The following GRIN2A variants were observed in gnomAD, a reference collection of about 807,000 sequenced individuals.
GRIN2A encodes glutamate receptor ionotropic, NMDA 2A.
A neutral mutation model predicts 113.4 loss-of-function variants in GRIN2A; 22 were observed. The observed-to-expected ratio is 0.19, with a 90% CI of 0.14 to 0.28. GRIN2A has a LOEUF of 0.28. Ranked by LOEUF, GRIN2A falls within the 10% of genes least tolerant of loss-of-function variation. The pLI is 1.00. For missense variants in GRIN2A, 1,502 were observed against 1,887.0 expected (o/e 0.80, Z 3.78); for synonymous variants, 827 against 738.4 (o/e 1.12, Z -1.94).
chr16:10,145,569 T>C (rs549753901), intron 2 of GRIN2A, among the ~76,000 whole-genome samples: 2 of 152,212 alleles, frequency 1.3e-5, no homozygotes, highest in South Asian at 2.1e-4. Flanking sequence ...TGAGTGTTCA[T>C]TACACATTCT....
rs1475867377 is a variant in GRIN2A, at chr16:9,753,617, G to A, written c.*9532C>T. On this transcript the variant is annotated 3_prime_UTR_variant, in exon 13 of 13. Coordinates refer to ENST00000330684, the MANE Select transcript of GRIN2A (RefSeq NM_001134407.3). ...GACATACTACAAGAAGACAACCATA[G>A]TATATACTTCCTCTATCATAGAAAG... 4 of 195,606 alleles carry A rather than the reference G, an allele frequency of 2.0e-5. No individual in the cohort carries two copies. The highest frequency in any genetic ancestry group is 9.3e-5 in the African/African-American group (4 of 43,196). The allele number at this position is 195,606 out of a possible 1,614,324, so 12.1% of individuals were successfully genotyped here. A position where few individuals can be genotyped will look rare whatever the true frequency, so the allele number is the denominator to read the frequency against.
chr16:10,071,174 G>A (rs1596477094), intron 2 of GRIN2A, among the ~76,000 whole-genome samples: 2 of 152,328 alleles, frequency 1.3e-5, no homozygotes, highest in African/African-American at 4.8e-5. Flanking sequence ...GTTGAATACT[G>A]TTGCATGGAA....
chr16:9,969,836 C>A lies in GRIN2A; in HGVS notation c.415-31285G>T, dbSNP rs79222101. Among the ~76,000 whole-genome samples, 540 of 152,312 alleles carry A rather than the reference C, an allele frequency of 3.5e-3. 6 individuals are homozygous for A. Among genetic ancestry groups the A allele is most frequent in the African/African-American group, 0.012 (504 of 41,570 alleles). On this transcript the variant is annotated intron_variant, in intron 2 of 12. Coordinates refer to ENST00000330684, the MANE Select transcript of GRIN2A (RefSeq NM_001134407.3). ...CCCTATTCACAAATAATTATCTAGC[C>A]CAAAATGTCAAGAATTCCACTGCTG...
chr16:10,176,861 TA>T (rs980425372), intron 2 of GRIN2A, among the ~76,000 whole-genome samples: 7 of 151,882 alleles, frequency 4.6e-5, no homozygotes, highest in African/African-American at 1.7e-4. Flanking sequence ...AAAATAAAAA[TA>T]AAAAAAGTTA....
chr16:10,026,018 G>A (rs1316224114), intron 2 of GRIN2A, among the ~76,000 whole-genome samples: 4 of 152,144 alleles, frequency 2.6e-5, no homozygotes, highest in Non-Finnish European at 4.4e-5. Flanking sequence ...ACACAATACT[G>A]TCTGGCTACA....
Position 9,763,825 on chromosome 16 carries a change from A to T in GRIN2A, c.3719T>A (p.Leu1240Gln), listed in dbSNP as rs1487682603. Residue 1240 changes from leucine (L) to glutamine (Q), a missense_variant, in exon 13 of 13, where the codon CTG (leucine) becomes CAG (glutamine). By Grantham distance (113) the Leu-to-Gln change is moderately radical. Around this residue, in one of 7 missense-constraint regions of GRIN2A, gnomAD observed 832 missense variants for 789.7 expected, o/e 1.05. Transcript: ENST00000330684. ...MRSPFKCDACLRMGNLYDIDE... is the reference protein window; with the variant it reads ...MRSPFKCDACQRMGNLYDIDE... ...GATGTCATAGAGGTTCCCCATCCGC[A>T]GGCAGGCATCGCACTTGAAGGGGGA... The T allele has an allele frequency of 6.2e-7, 1 of 1,613,996 alleles. No individual in the cohort carries two copies. Among genetic ancestry groups the T allele is most frequent in the Non-Finnish European group, 8.5e-7 (1 of 1,180,000 alleles).
intron 2 of GRIN2A, among the ~76,000 whole-genome samples, chr16:10,170,752 C>T (rs1022008052): frequency 6.6e-6 from 1 of 152,060 alleles, no homozygotes; most frequent in Non-Finnish European, 1.5e-5. Flanking sequence ...TGGCACACGC[C>T]TGTGTTCCTA....
chr16:9,799,045 C>T (rs1252272029), intron 10 of GRIN2A, among the ~76,000 whole-genome samples: 2 of 152,202 alleles, frequency 1.3e-5, no homozygotes, highest in Non-Finnish European at 1.5e-5. Flanking sequence ...TGTTAGTGAA[C>T]AGCCTTCCAA....
chr16:10,078,140 A>G (rs1230603674), intron 2 of GRIN2A, among the ~76,000 whole-genome samples: 1 of 152,224 alleles, frequency 6.6e-6, no homozygotes, highest in African/African-American at 2.4e-5. Context: ...TAAAGCTGTT[A>G]AATTAGAAAA....
intron 10 of GRIN2A, among the ~76,000 whole-genome samples, chr16:9,803,171 G>A (rs574839705): frequency 1.1e-3 from 173 of 152,198 alleles, no homozygotes; most frequent in Non-Finnish European, 2.1e-3. Context: ...TTGGGAGGCC[G>A]AGGTGGGCGG....
chr16:9,968,292 GTA>G (rs1373734880), intron 2 of GRIN2A, among the ~76,000 whole-genome samples: 1 of 151,634 alleles, frequency 6.6e-6, no homozygotes, highest in African/African-American at 2.4e-5. Flanking sequence ...ATGTATGTAT[GTA>G]TGTATGTATG....
intron 2 of GRIN2A, among the ~76,000 whole-genome samples, chr16:9,944,823 A>G (rs978353766): frequency 6.6e-6 from 1 of 152,182 alleles, no homozygotes; most frequent in Admixed American, 6.5e-5. Context: ...ACTTAAGCAG[A>G]CCTGCCAGAC....
In GRIN2A at chr16:9,762,236, C is replaced by T. The variant is rs1900617038; in HGVS notation, c.*913G>A. 1 of 224,070 alleles carries T rather than the reference C, an allele frequency of 4.5e-6. No individual in the cohort carries two copies. The highest frequency in any genetic ancestry group is 8.9e-6 in the Non-Finnish European group (1 of 112,018). The allele number at this position is 224,070 out of a possible 1,614,324, so 13.9% of individuals were successfully genotyped here. A position where few individuals can be genotyped will look rare whatever the true frequency, so the allele number is the denominator to read the frequency against. ...GAGGGAAGGGGTAACAGATACTATA[C>T]AACCCTGAGTCATCACCAGAAGGGA... On this transcript the variant is annotated 3_prime_UTR_variant, in exon 13 of 13. Coordinates refer to ENST00000330684, the MANE Select transcript of GRIN2A (RefSeq NM_001134407.3).
At chr16:9,936,933 A>G (rs939806817) in intron 3 of GRIN2A, among the ~76,000 whole-genome samples, 57 of 152,348 alleles carry the variant, frequency 3.7e-4, no homozygotes, top group African/African-American at 1.3e-3. Context: ...CAATCTGGCA[A>G]TAGATGCTTC....
chr16:10,016,945 G>C (rs1479340543), intron 2 of GRIN2A, among the ~76,000 whole-genome samples: 1 of 152,208 alleles, frequency 6.6e-6, no homozygotes, highest in Admixed American at 6.5e-5. Context: ...CAGTCACACT[G>C]GAAAATGGCC....
At chr16:9,948,986 G>A (rs1490551014) in intron 2 of GRIN2A, among the ~76,000 whole-genome samples, 1 of 152,156 alleles carries the variant, frequency 6.6e-6, no homozygotes, top group African/African-American at 2.4e-5. Context: ...CTGGAGGGGA[G>A]CTGGGGTATC....
intron 4 of GRIN2A, among the ~76,000 whole-genome samples, chr16:9,852,921 G>T (rs182745737): frequency 3.4e-3 from 516 of 152,292 alleles, no homozygotes; most frequent in African/African-American, 0.011. Context: ...TACTGTAATG[G>T]AAGTGATAAA....
Position 9,763,164 on chromosome 16 carries a change from G to T in GRIN2A, c.4380C>A (p.Ile1460=). 1 of 1,613,634 alleles carries T rather than the reference G, an allele frequency of 6.2e-7. No individual in the cohort carries two copies. Among genetic ancestry groups the T allele is most frequent in the Non-Finnish European group, 8.5e-7 (1 of 1,179,622 alleles). ...TGGAAGATTTTTAAACATCAGATTCGATACTAGGCATTTTCTTGTACACGC... is the reference window on the plus strand; with the variant it reads ...TGGAAGATTTTTAAACATCAGATTCTATACTAGGCATTTTCTTGTACACGC... ...NRRVYKKMPS[I]ESDV The change falls in exon 13 of 13, where the codon ATC becomes ATA. Residue 1460 remains isoleucine, a synonymous_variant. Coordinates refer to ENST00000330684, the MANE Select transcript of GRIN2A (RefSeq NM_001134407.3).
At position 9,753,614 on chromosome 16, in the gene GRIN2A, A is replaced by G. The variant is rs1251248871; in HGVS notation, c.*9535T>C. The G allele has an allele frequency of 1.0e-5, 2 of 195,978 alleles. No homozygotes were observed. The highest frequency in any genetic ancestry group is 6.1e-5 in the Admixed American group (1 of 16,464). The allele number at this position is 195,978 out of a possible 1,614,324, so 12.1% of individuals were successfully genotyped here. On this transcript the variant is annotated 3_prime_UTR_variant, in exon 13 of 13. Transcript: ENST00000330684. ...AAAGACATACTACAAGAAGACAACCATAGTATATACTTCCTCTATCATAGA... is the reference window on the plus strand; with the variant it reads ...AAAGACATACTACAAGAAGACAACCGTAGTATATACTTCCTCTATCATAGA...
Sources: allele counts gnomAD v4.1 joint callset (sites outside exome capture counted in the v4.1 genomes callset), GRCh38; gene constraint gnomAD v4.1.1; regional missense constraint gnomAD v4.1.1; transcripts MANE v1.5; gene names NCBI Gene and HGNC (gene_info 2026-07-23, HGNC 2026-07-21).